The following TMEM204 variants were observed in gnomAD, a reference collection of about 807,000 sequenced individuals.
TMEM204 encodes transmembrane protein 204, also known as claudin-like protein 24.
A neutral mutation model predicts 19.4 loss-of-function variants in TMEM204; 15 were observed. The ratio of observed to expected loss-of-function variants is 0.77; its 90% confidence interval spans 0.52 to 1.19. The LOEUF is 1.19. Ranked by LOEUF, TMEM204 falls within the 50% of genes most tolerant of loss-of-function variation. The pLI, the probability that TMEM204 is intolerant of heterozygous loss-of-function variation, is 0.00. For missense variants in TMEM204, 287 were observed against 321.2 expected, an observed-to-expected ratio of 0.89 and a Z score of 0.81; for synonymous variants, 161 against 146.0, an observed-to-expected ratio of 1.10 and a Z score of -0.74.
intron 1 of TMEM204, among the ~76,000 whole-genome samples, chr16:1,537,157 G>C (rs1408571939): frequency 6.6e-6 from 1 of 152,212 alleles, no homozygotes; most frequent in South Asian, 2.1e-4. Context: ...TCCATCCCGA[G>C]AACCAGTCTA....
chr16:1,555,025 G>C lies in TMEM204; in HGVS notation c.680G>C (p.Ter227SerextTer18). Residue 227 changes from the stop codon to serine (S), a stop_lost, in exon 3 of 3, where the codon TGA becomes TCA. Transcript: ENST00000566264. ...AATGACTACGTGGAGTCACCATGCT[G>C]AGTCGCCCTTCTCAGCGCTCCATCA... is the stretch of plus-strand genomic sequence containing the variant. ...LDNDYVESPC* is the reference protein window; with the variant it reads ...LDNDYVESPCS 1 of 1,607,352 alleles carries C rather than the reference G, an allele frequency of 6.2e-7. No homozygotes were observed. Among genetic ancestry groups the C allele is most frequent in the Non-Finnish European group, 8.5e-7 (1 of 1,176,938 alleles).
chr16:1,554,889 G>A lies in TMEM204; in HGVS notation c.544G>A (p.Ala182Thr). ...TGGCGCCTGCCTTCTGGCCACGCTGGCGGCAGCCATGCTCATCTGGAACAT... is the reference window on the plus strand; with the variant it reads ...TGGCGCCTGCCTTCTGGCCACGCTGACGGCAGCCATGCTCATCTGGAACAT... ...NIGACLLATL[A>T]AAMLIWNILH... Residue 182 changes from alanine (A) to threonine (T), a missense_variant, in exon 3 of 3, where the codon GCG (alanine) becomes ACG (threonine). Coordinates refer to ENST00000566264, the MANE Select transcript of TMEM204 (RefSeq NM_024600.6). 1 of 1,614,248 alleles carries A rather than the reference G, an allele frequency of 6.2e-7. No homozygotes were observed. The highest frequency in any genetic ancestry group is 8.5e-7 in the Non-Finnish European group (1 of 1,180,052).
rs575912972 is a variant in TMEM204 at position 1,540,120 on chromosome 16, G to A, written c.281-1801G>A. 3.9e-5 allele frequency among the ~76,000 whole-genome samples: 6 copies of A among 152,296 alleles called. No individual in the cohort carries two copies. The South Asian group carries it at 8.3e-4, about 21-fold the overall frequency. The stretch of plus-strand genomic sequence containing the variant: ...GTGCCTCCAGGGATGCTGGGACGCC[G>A]AAAGCCTAGACTGAGACGATCCCAC... On this transcript the variant is annotated intron_variant, in intron 1 of 2. Coordinates refer to ENST00000566264, the MANE Select transcript of TMEM204 (RefSeq NM_024600.6).
chr16:1,540,842 A>C (rs1011748334), intron 1 of TMEM204: 14 of 985,476 alleles, frequency 1.4e-5, no homozygotes, highest in Non-Finnish European at 1.7e-5. Flanking sequence ...AAAACAAGGC[A>C]TGGCGATGAC....
intron 2 of TMEM204, among the ~76,000 whole-genome samples, chr16:1,549,209 CA>C (rs2032433469): frequency 1.3e-5 from 2 of 152,226 alleles, no homozygotes; most frequent in Non-Finnish European, 2.9e-5. Flanking sequence ...CAAACAGAAC[CA>C]AAGACAAACA....
At position 1,534,221 on chromosome 16, in the gene TMEM204, G is replaced by A. The variant is rs952169822; in HGVS notation, c.-55G>A. 29 of 1,593,514 alleles carry A rather than the reference G, an allele frequency of 1.8e-5. No individual in the cohort carries two copies. The highest frequency in any genetic ancestry group is 8.9e-5 in the East Asian group (4 of 44,808). ...CAGCGTCGGCTCTCCCTGGACGTGC[G>A]GCCGCGGACTGGGACTTGGCTTTCT... On this transcript the variant is annotated 5_prime_UTR_variant, in exon 1 of 3. Coordinates refer to ENST00000566264, the MANE Select transcript of TMEM204 (RefSeq NM_024600.6).
chr16:1,554,947 G>C lies in TMEM204; in HGVS notation c.602G>C (p.Arg201Pro). 6.2e-7 allele frequency: 1 copy of C among 1,614,106 alleles called. No individual in the cohort carries two copies. ...AAGAGGGAGGACTGCATGGCCCCCC[G>C]GGTGATTGTCATCAGCCGCTCCCTG... ...LHKREDCMAP[R>P]VIVISRSLTA... is the part of the protein sequence containing the mutation. Residue 201 changes from arginine to proline, a missense_variant, in exon 3 of 3, where the codon CGG (arginine) becomes CCG (proline). Arg to Pro is a moderately radical substitution (Grantham distance 103). Transcript: ENST00000566264.
intron 2 of TMEM204, among the ~76,000 whole-genome samples, chr16:1,544,712 G>C (rs1439170534): frequency 6.6e-6 from 1 of 150,586 alleles, no homozygotes; most frequent in Non-Finnish European, 1.5e-5. Context: ...GCAGTGGCGC[G>C]ATCTCGGCTC....
intron 1 of TMEM204, among the ~76,000 whole-genome samples, chr16:1,536,043 G>A (rs568597353): frequency 3.9e-5 from 6 of 152,332 alleles, no homozygotes; most frequent in South Asian, 2.1e-4. Context: ...AGGTGGGGCC[G>A]GGCGCTCATG....
chr16:1,541,324 C>T (rs1468808097), intron 1 of TMEM204: 1 of 985,288 alleles, frequency 1.0e-6, no homozygotes, highest in Non-Finnish European at 1.2e-6. Context: ...ATGTCTGACC[C>T]CTGCTCAGCC....
In TMEM204 at chr16:1,555,058, C is replaced by T. The variant is rs1447098714; in HGVS notation, c.*32C>T. 1.3e-6 allele frequency: 2 copies of T among 1,583,480 alleles called. No individual in the cohort carries two copies. Among genetic ancestry groups the T allele is most frequent in the East Asian group, 2.2e-5 (1 of 44,460 alleles). ...CTTCTCAGCGCTCCATCAACGCACA[C>T]CTGCTATCGTGGAACAGCCTAGAAA... On this transcript the variant is annotated 3_prime_UTR_variant, in exon 3 of 3. Transcript: ENST00000566264.
chr16:1,528,830 G>T (rs1349257091), upstream of TMEM204: 1 of 152,334 alleles, frequency 6.6e-6, no homozygotes, highest in Non-Finnish European at 1.5e-5. Flanking sequence ...GTGCAGCTGG[G>T]CGTTTTCCTA....
At chr16:1,531,119 C>G (rs936599371), upstream of TMEM204, 3 of 152,284 alleles carry the variant, frequency 2.0e-5, no homozygotes, top group African/African-American at 2.4e-5. This position sits in a 1 kb window ranked among gnomAD's most constrained non-coding sequence, Gnocchi z 4.7. Context: ...CTCGGGACAG[C>G]CTCCACTCCG....
chr16:1,530,985 C>T (rs1400858328), upstream of TMEM204: 3 of 152,274 alleles, frequency 2.0e-5, no homozygotes, highest in Admixed American at 1.3e-4. Context: ...AGGGCGGTCA[C>T]AGACCCGCCA....
chr16:1,548,635 A>ATCTT (rs1378267311), intron 2 of TMEM204, among the ~76,000 whole-genome samples: 1 of 152,172 alleles, frequency 6.6e-6, no homozygotes, highest in African/African-American at 2.4e-5. Flanking sequence ...GGGAATCTTA[A>ATCTT]TATAAAGATG....
chr16:1,546,501 C>T (rs972320771), intron 2 of TMEM204, among the ~76,000 whole-genome samples: 1 of 152,318 alleles, frequency 6.6e-6, no homozygotes, highest in Non-Finnish European at 1.5e-5. Flanking sequence ...GATGTGCCCT[C>T]GTCAGCAATG....
At chr16:1,550,966 T>G (rs935239270) in intron 2 of TMEM204, among the ~76,000 whole-genome samples, 1 of 152,044 alleles carries the variant, frequency 6.6e-6, no homozygotes, top group Non-Finnish European at 1.5e-5. Context: ...GTGCTGCCCC[T>G]CCGTGAGCAT....
chr16:1,535,746 C>G (rs2030999870), intron 1 of TMEM204, among the ~76,000 whole-genome samples: 1 of 152,264 alleles, frequency 6.6e-6, no homozygotes, highest in Non-Finnish European at 1.5e-5. Flanking sequence ...CTTGTCCACT[C>G]AAAGGCCCTC....
In TMEM204 at chr16:1,554,891, G is replaced by A. The variant is rs1208322968; in HGVS notation, c.546G>A (p.Ala182=). The change falls in exon 3 of 3, where the codon GCG becomes GCA. Residue 182 remains alanine, a synonymous_variant. Coordinates refer to ENST00000566264, the MANE Select transcript of TMEM204 (RefSeq NM_024600.6). ...GCGCCTGCCTTCTGGCCACGCTGGC[G>A]GCAGCCATGCTCATCTGGAACATTC... ...NIGACLLATL[A]AAMLIWNILH... The A allele has an allele frequency of 9.3e-6, 15 of 1,614,182 alleles. No homozygotes were observed. Among genetic ancestry groups the A allele is most frequent in the South Asian group, 6.6e-5 (6 of 91,082 alleles).
Sources: gnomAD v4.1 joint callset for allele counts (sites outside exome capture counted in the v4.1 genomes callset) on GRCh38, gnomAD v4.1.1 for gene constraint, Gnocchi (gnomAD v3.1) non-coding constraint, MANE v1.5 for transcripts, NCBI Gene and HGNC (gene_info 2026-07-23, HGNC 2026-07-21) for gene names.